SAMMSON: variants seen among roughly 807,000 people sequenced by gnomAD.
SAMMSON encodes long intergenic non-protein coding RNA 1212.
chr3:70,051,698 G>C (rs903059000), intron 3 of SAMMSON, among the ~76,000 whole-genome samples: 3 of 151,866 alleles, frequency 2.0e-5, no homozygotes, highest in African/African-American at 7.2e-5. Flanking sequence ...AAATTGTAGA[G>C]TGTCTCATTA....
rs372354473 is a variant in SAMMSON at position 70,430,650 on chromosome 3, G to A, written n.234-31910G>A. On this transcript the variant is annotated intron_variant and non_coding_transcript_variant, in intron 2 of 3. Transcript: ENST00000641053. ...TAGGCATCTAACTTTGAAATTACTC[G>A]AAGAAGCAATATTTTACCATTATTT... 1.1e-4 allele frequency among the ~76,000 whole-genome samples: 16 copies of A among 152,176 alleles called. No individual in the cohort carries two copies. In the South Asian group the frequency reaches 2.3e-3, roughly 22 times the overall value.
At chr3:70,137,250 G>A (rs998250879) in intron 4 of SAMMSON, among the ~76,000 whole-genome samples, 1 of 152,132 alleles carries the variant, frequency 6.6e-6, no homozygotes. Context: ...TTTAGAGAAA[G>A]TATGTATAGT....
chr3:70,164,885 G>A (rs560047644), intron 4 of SAMMSON, among the ~76,000 whole-genome samples: 2 of 151,892 alleles, frequency 1.3e-5, no homozygotes, highest in African/African-American at 4.8e-5. Flanking sequence ...AAAGACTTTG[G>A]GGCTTTAAAA....
chr3:70,385,084 T>G lies in SAMMSON; in HGVS notation n.914-4490T>G, dbSNP rs544412201. Among the ~76,000 whole-genome samples the G allele has an allele frequency of 2.6e-4, 39 of 152,274 alleles. 1 individual carries two copies. Among genetic ancestry groups the G allele is most frequent in the South Asian group, 2.1e-3 (10 of 4,830 alleles). On this transcript the variant is annotated intron_variant and non_coding_transcript_variant, in intron 9 of 9. Transcript: ENST00000642114. The stretch of plus-strand genomic sequence containing the variant: ...GCTGAAAGCCAGAATGTGTCCATCT[T>G]TCTAAGGAATGTCTAGGCCCATGAA...
intron 4 of SAMMSON, among the ~76,000 whole-genome samples, chr3:70,115,056 C>T (rs536152503): frequency 7.9e-5 from 12 of 152,024 alleles, no homozygotes; most frequent in Admixed American, 6.5e-4. Context: ...GATAACATTG[C>T]AGAATATGCC....
intron 7 of SAMMSON, among the ~76,000 whole-genome samples, chr3:70,328,329 G>A (rs553004490): frequency 3.9e-5 from 6 of 152,220 alleles, no homozygotes; most frequent in African/African-American, 1.2e-4. Context: ...TGTAGTAATT[G>A]GGGAGAAAAT....
At chr3:70,416,486 C>T (rs751388629) in intron 2 of SAMMSON, among the ~76,000 whole-genome samples, 3 of 152,092 alleles carry the variant, frequency 2.0e-5, no homozygotes, top group East Asian at 1.9e-4. Flanking sequence ...GTATTACTCA[C>T]GGATGGGTGG....
At chr3:70,376,007 T>C (rs898077895) in intron 9 of SAMMSON, among the ~76,000 whole-genome samples, 2 of 152,186 alleles carry the variant, frequency 1.3e-5, no homozygotes, top group African/African-American at 4.8e-5. Flanking sequence ...GTATGATTTC[T>C]AAGAGGAGGT....
At chr3:70,147,247 A>T (rs1484488829) in intron 4 of SAMMSON, among the ~76,000 whole-genome samples, 5 of 152,102 alleles carry the variant, frequency 3.3e-5, no homozygotes, top group Non-Finnish European at 7.4e-5. Flanking sequence ...TTATTTCCTA[A>T]TTGATCTATA....
intron 3 of SAMMSON, among the ~76,000 whole-genome samples, chr3:70,060,984 T>C (rs1369963831): frequency 6.6e-6 from 1 of 151,956 alleles, no homozygotes; most frequent in Non-Finnish European, 1.5e-5. Context: ...ATATTTTAGA[T>C]TGGAAGTCGT....
chr3:70,291,992 T>C (rs770768990), intron 7 of SAMMSON: 5 of 152,214 alleles, frequency 3.3e-5, no homozygotes, highest in Non-Finnish European at 7.3e-5. Context: ...ATTTCTATCA[T>C]ATACAAGACA....
chr3:70,039,985 A>G (rs2067100471), intron 3 of SAMMSON, among the ~76,000 whole-genome samples: 1 of 152,116 alleles, frequency 6.6e-6, no homozygotes, highest in African/African-American at 2.4e-5. Context: ...GTTCTTGCAA[A>G]GCTCCTTTTA....
chr3:70,007,291 A>G (rs1302650128), intron 1 of SAMMSON, among the ~76,000 whole-genome samples: 6 of 152,074 alleles, frequency 3.9e-5, no homozygotes. Flanking sequence ...CTATTTCTCC[A>G]CATCCTCTCC....
At chr3:70,291,212 C>G (rs1336693982) in exon 7 of SAMMSON, 1 of 152,162 alleles carries the variant, frequency 6.6e-6, no homozygotes, top group Non-Finnish European at 1.5e-5. Context: ...GGTTTGAAAT[C>G]AGCTCCTCCA....
At chr3:70,171,618 G>A (rs928135914) in intron 4 of SAMMSON, among the ~76,000 whole-genome samples, 85 of 151,776 alleles carry the variant, frequency 5.6e-4, no homozygotes, top group Non-Finnish European at 5.3e-4. Flanking sequence ...CAGTCTTTGG[G>A]GGGGGGAGCT....
intron 4 of SAMMSON, among the ~76,000 whole-genome samples, chr3:70,145,901 C>T (rs535271524): frequency 6.6e-6 from 1 of 151,790 alleles, no homozygotes; most frequent in South Asian, 2.1e-4. Context: ...ATAAAAATAT[C>T]AAGTGAAACT....
intron 4 of SAMMSON, among the ~76,000 whole-genome samples, chr3:70,137,399 G>T (rs886744696): frequency 6.6e-6 from 1 of 152,126 alleles, no homozygotes; most frequent in Non-Finnish European, 1.5e-5. Context: ...TTACATTTTT[G>T]AATGATTGGG....
intron 4 of SAMMSON, among the ~76,000 whole-genome samples, chr3:70,105,638 A>C (rs2067364303): frequency 6.6e-6 from 1 of 152,206 alleles, no homozygotes; most frequent in Non-Finnish European, 1.5e-5. Flanking sequence ...ACCCCATTTC[A>C]ATCTTGATGA....
chr3:70,264,258 T>C (rs1321714301), intron 6 of SAMMSON, among the ~76,000 whole-genome samples: 1 of 152,234 alleles, frequency 6.6e-6, no homozygotes, highest in Non-Finnish European at 1.5e-5. Flanking sequence ...AAAAAGGCCT[T>C]CGTGTTATCT....
Sources: allele counts gnomAD v4.1 joint callset (sites outside exome capture counted in the v4.1 genomes callset), GRCh38; gene constraint gnomAD v4.1.1; transcripts MANE v1.5; gene names NCBI Gene and HGNC (gene_info 2026-07-23, HGNC 2026-07-21).